ZFYVE1: variants seen among roughly 807,000 people sequenced by gnomAD.
The protein encoded by ZFYVE1 is zinc finger FYVE domain-containing protein 1.
In ZFYVE1, 30 loss-of-function variants were observed where a neutral mutation model predicts 74.4. That is an observed-to-expected ratio of 0.40 (90% confidence interval 0.30 to 0.55). The LOEUF (loss-of-function observed/expected upper bound fraction) is 0.55, where lower values mean the gene tolerates loss of function less well. ZFYVE1 is among the 20% of genes least tolerant of loss of function. The probability of loss-of-function intolerance (pLI) is 0.42; values close to 1 mark genes in which losing one functional copy is unlikely to be tolerated. For missense variants in ZFYVE1, 703 were observed against 1,011.6 expected (o/e 0.69, Z 4.14); for synonymous variants, 335 against 385.1 (o/e 0.87, Z 1.52).
intron 2 of ZFYVE1, among the ~76,000 whole-genome samples, chr14:73,018,330 C>T (rs769495298): frequency 1.5e-4 from 22 of 145,202 alleles, no homozygotes; most frequent in African/African-American, 3.8e-4. Context: ...ACTTGGGAGG[C>T]GGAGGAAGGA....
Position 72,977,927 on chromosome 14 carries a change from T to G in ZFYVE1, c.1635A>C (p.Gly545=), listed in dbSNP as rs760820545. The G allele has an allele frequency of 6.8e-6, 11 of 1,613,970 alleles. No homozygotes were observed. The Admixed American group carries it at 8.3e-5, about 12-fold the overall frequency. The change falls in exon 8 of 12, where the codon GGA becomes GGC. Residue 545 remains glycine, a splice_region_variant and synonymous_variant. Coordinates refer to ENST00000556143, the MANE Select transcript of ZFYVE1 (RefSeq NM_021260.4). ...AACAGAGAAATCCAACAGTTCTTAC[T>G]CCAGGCCACACATGCACAATCTCTG... is the stretch of plus-strand genomic sequence containing the variant. ...VRTEIVHVWP[G]TDGFLKDNNN... is the part of the protein sequence containing the mutation.
intron 5 of ZFYVE1, among the ~76,000 whole-genome samples, chr14:72,981,071 A>G (rs1893317777): frequency 6.6e-6 from 1 of 152,202 alleles, no homozygotes; most frequent in Non-Finnish European, 1.5e-5. Flanking sequence ...GCAGAATCTC[A>G]GGTTTCACCC....
intron 2 of ZFYVE1, among the ~76,000 whole-genome samples, chr14:73,007,685 A>G (rs1329673771): frequency 1.3e-5 from 2 of 152,286 alleles, no homozygotes; most frequent in African/African-American, 2.4e-5. Flanking sequence ...CCCATGGCCT[A>G]AATTTCAAAC....
chr14:73,023,334 ATATG>A (rs1567366903), intron 2 of ZFYVE1, among the ~76,000 whole-genome samples: 2 of 74,798 alleles, frequency 2.7e-5, no homozygotes, highest in Non-Finnish European at 5.7e-5. Flanking sequence ...TATATATTAT[ATATG>A]TTTTATATAT....
chr14:72,995,481 C>A (rs762203657), intron 3 of ZFYVE1, among the ~76,000 whole-genome samples: 12 of 49,662 alleles, frequency 2.4e-4, no homozygotes, highest in Non-Finnish European at 4.1e-4. Context: ...GATCCTCCCG[C>A]CTCAATGTCC....
Position 72,978,087 on chromosome 14 carries a change from T to C in ZFYVE1, c.1518-43A>G, listed in dbSNP as rs201646326. The C allele has an allele frequency of 7.4e-4, 1,198 of 1,613,704 alleles. 1 individual carries two copies. The highest frequency in any genetic ancestry group is 9.4e-4 in the Non-Finnish European group (1,109 of 1,179,754). ...CAATACTGTTACCCAGCCAGGTGCC[T>C]GGGGAGACAAACGCACCAGAAAACC... is the stretch of plus-strand genomic sequence containing the variant. On this transcript the variant is annotated intron_variant, in intron 7 of 11. Transcript: ENST00000556143.
intron 2 of ZFYVE1, among the ~76,000 whole-genome samples, chr14:73,015,407 G>T (rs1244018121): frequency 9.5e-6 from 1 of 104,988 alleles, no homozygotes; most frequent in Non-Finnish European, 1.8e-5. Context: ...GAAGGAAGGG[G>T]GGGGAAGGAA....
intron 2 of ZFYVE1, among the ~76,000 whole-genome samples, chr14:73,022,604 A>G (rs893541149): frequency 6.6e-6 from 1 of 152,198 alleles, no homozygotes; most frequent in Non-Finnish European, 1.5e-5. Flanking sequence ...AATGGAAAGG[A>G]TTTTTATCAC....
rs1450412206 is a variant in ZFYVE1 at position 72,974,052 on chromosome 14, C to T, written c.2101+28G>A. 5 of 1,606,614 alleles carry T rather than the reference C, an allele frequency of 3.1e-6. No homozygotes were observed. In the African/African-American group the frequency reaches 4.0e-5, roughly 13 times the overall value. On this transcript the variant is annotated intron_variant, in intron 11 of 11. Coordinates refer to ENST00000556143, the MANE Select transcript of ZFYVE1 (RefSeq NM_021260.4). ...GAAACCCCTCAACCCGCATCCACTA[C>T]CCCCAAGAGAAGCACTGCCAGGCCC...
chr14:72,999,672 T>C (rs551690648), intron 2 of ZFYVE1, among the ~76,000 whole-genome samples: 7 of 152,292 alleles, frequency 4.6e-5, no homozygotes, highest in Admixed American at 2.6e-4. Context: ...CATCCATTTG[T>C]AATCTCAGAC....
At chr14:73,010,977 A>G (rs1364909819) in intron 2 of ZFYVE1, among the ~76,000 whole-genome samples, 1 of 151,888 alleles carries the variant, frequency 6.6e-6, no homozygotes, top group African/African-American at 2.4e-5. Flanking sequence ...TATAGATACT[A>G]CTATAAATTC....
intron 11 of ZFYVE1, among the ~76,000 whole-genome samples, chr14:72,972,013 G>A (rs764262542): frequency 6.6e-5 from 10 of 152,164 alleles, no homozygotes; most frequent in Non-Finnish European, 1.3e-4. Flanking sequence ...CTCAAGGTCA[G>A]GAGTTCGAGA....
chr14:73,024,565 G>T lies in ZFYVE1; in HGVS notation c.-57C>A. 6.6e-7 allele frequency: 1 copy of T among 1,521,134 alleles called. No homozygotes were observed. The highest frequency in any genetic ancestry group is 1.3e-5 in the South Asian group (1 of 75,222). The allele number at this position is 1,521,134 out of a possible 1,614,324, so 94.2% of individuals were successfully genotyped here. ...ATAATAGTCACTGAGCTTGCCCCGG[G>T]GGTGAAGACGAAGATTTGAGTCTGA... is the stretch of plus-strand genomic sequence containing the variant. On this transcript the variant is annotated 5_prime_UTR_variant, in exon 2 of 12. Coordinates refer to ENST00000556143, the MANE Select transcript of ZFYVE1 (RefSeq NM_021260.4).
At chr14:72,992,624 G>C (rs55758818) in intron 4 of ZFYVE1, among the ~76,000 whole-genome samples, 11,711 of 68,452 alleles carry the variant, frequency 0.17, 1,224 homozygotes, top group African/African-American at 0.28. Flanking sequence ...TGCCCCCCCC[G>C]CCCCTTGCAA....
intron 10 of ZFYVE1, among the ~76,000 whole-genome samples, chr14:72,974,514 C>G (rs1028703294): frequency 1.3e-5 from 2 of 152,176 alleles, no homozygotes; most frequent in African/African-American, 4.8e-5. Context: ...AACACTGCAG[C>G]CTTTTCAGAA....
chr14:73,017,225 C>G (rs1894220647), intron 2 of ZFYVE1, among the ~76,000 whole-genome samples: 1 of 152,222 alleles, frequency 6.6e-6, no homozygotes, highest in Admixed American at 6.5e-5. Context: ...TTAGACTAAA[C>G]CTTCATCTGT....
At chr14:73,007,925 A>G (rs1894013056) in intron 2 of ZFYVE1, among the ~76,000 whole-genome samples, 1 of 152,174 alleles carries the variant, frequency 6.6e-6, no homozygotes, top group Non-Finnish European at 1.5e-5. Context: ...TCTCAATCAA[A>G]TGTTTTCTGA....
Position 72,975,031 on chromosome 14 carries a change from C to A in ZFYVE1, c.1807-72G>T. 6.7e-7 allele frequency: 1 copy of A among 1,498,494 alleles called. No homozygotes were observed. The highest frequency in any genetic ancestry group is 1.3e-5 in the South Asian group (1 of 74,406). The allele number at this position is 1,498,494 out of a possible 1,614,324, so 92.8% of individuals were successfully genotyped here. A position where few individuals can be genotyped will look rare whatever the true frequency, so the allele number is the denominator to read the frequency against. On this transcript the variant is annotated intron_variant, in intron 9 of 11. Coordinates refer to ENST00000556143, the MANE Select transcript of ZFYVE1 (RefSeq NM_021260.4). This position sits in a 1 kb window ranked among gnomAD's most constrained non-coding sequence, Gnocchi z 4.1. ...ATGTCTGCTCAGCTGAGAAAGTCAA[C>A]AAGACCCCGGAGCAAGCAGAAACTA... is the stretch of plus-strand genomic sequence containing the variant.
intron 2 of ZFYVE1, among the ~76,000 whole-genome samples, chr14:73,014,014 T>C (rs1183556008): frequency 6.6e-6 from 1 of 152,134 alleles, no homozygotes; most frequent in East Asian, 1.9e-4. Flanking sequence ...ATAAGAAATA[T>C]GTCTATTATG....
Sources: allele counts gnomAD v4.1 joint callset (sites outside exome capture counted in the v4.1 genomes callset), GRCh38; gene constraint gnomAD v4.1.1; non-coding constraint Gnocchi (gnomAD v3.1); transcripts MANE v1.5; gene names NCBI Gene and HGNC (gene_info 2026-07-23, HGNC 2026-07-21).